Variants in LRP12 observed in about 807,000 individuals in gnomAD.
LRP12 encodes low-density lipoprotein receptor-related protein 12.
Under a neutral mutation model 66.0 loss-of-function variants are expected in LRP12, and 14 were observed. The observed-to-expected ratio is 0.21, with a 90% CI of 0.14 to 0.33. The LOEUF (loss-of-function observed/expected upper bound fraction) is 0.33, where lower values mean the gene tolerates loss of function less well. Ranked by LOEUF, LRP12 falls within the 10% of genes least tolerant of loss-of-function variation. The probability of loss-of-function intolerance (pLI) is 1.00; values close to 1 mark genes in which losing one functional copy is unlikely to be tolerated. For synonymous variants in LRP12, 357 were observed against 359.1 expected (o/e 0.99, Z 0.07); for missense variants, 889 against 1,053.4 (o/e 0.84, Z 2.16).
chr8:104,577,689 T>C (rs999709147), intron 1 of LRP12, among the ~76,000 whole-genome samples: 1 of 151,342 alleles, frequency 6.6e-6, no homozygotes, highest in African/African-American at 2.4e-5. Flanking sequence ...TGGGCACCTG[T>C]AGTCTCAGCT....
intron 1 of LRP12, among the ~76,000 whole-genome samples, chr8:104,542,817 T>C (rs545167997): frequency 1.3e-5 from 2 of 151,900 alleles, no homozygotes; most frequent in Non-Finnish European, 2.9e-5. Context: ...GAATAGAAAA[T>C]GTATTTACTG....
intron 1 of LRP12, among the ~76,000 whole-genome samples, chr8:104,544,863 C>G (rs1811532027): frequency 6.6e-6 from 1 of 152,154 alleles, no homozygotes; most frequent in South Asian, 2.1e-4. Context: ...CTCTGCTGCC[C>G]ATGAATCAGG....
intron 1 of LRP12, 120 bp downstream of exon 1, chr8:104,588,699 T>C (rs1217067105): frequency 6.7e-6 from 5 of 747,892 alleles, no homozygotes; most frequent in Non-Finnish European, 1.1e-5. Flanking sequence ...CCGGTCTTTG[T>C]CCCGCCGGTA....
In LRP12 at chr8:104,556,499, C is replaced by T. The variant is rs147775043; in HGVS notation, c.80-24536G>A. Among the ~76,000 whole-genome samples the T allele has an allele frequency of 6.0e-3, 910 of 152,144 alleles. 9 individuals are homozygous for T. The highest frequency in any genetic ancestry group is 0.012 in the Admixed American group (190 of 15,274). ...CAGAAATACAAAAGATCATTCAAGG[C>T]TACTACAAACACCTTTATGCACACA... On this transcript the variant is annotated intron_variant, in intron 1 of 6. Transcript: ENST00000276654.
chr8:104,550,747 T>C (rs1394138059), intron 1 of LRP12, among the ~76,000 whole-genome samples: 1 of 152,174 alleles, frequency 6.6e-6, no homozygotes, highest in African/African-American at 2.4e-5. Context: ...AAATATAAGC[T>C]TCAAAGGGGC....
chr8:104,494,870 T>C (rs1588481183), intron 6 of LRP12, among the ~76,000 whole-genome samples: 1 of 152,312 alleles, frequency 6.6e-6, no homozygotes, highest in Middle Eastern at 3.4e-3. Flanking sequence ...TGCTTAAGAA[T>C]TGCACAACCA....
chr8:104,581,778 C>T (rs570261217), intron 1 of LRP12, among the ~76,000 whole-genome samples: 1 of 152,232 alleles, frequency 6.6e-6, no homozygotes, highest in South Asian at 2.1e-4. Flanking sequence ...ACGAAGAGCA[C>T]AGCAGTAGAC....
At chr8:104,494,773 T>C (rs1810697844) in intron 6 of LRP12, among the ~76,000 whole-genome samples, 1 of 152,196 alleles carries the variant, frequency 6.6e-6, no homozygotes, top group African/African-American at 2.4e-5. Flanking sequence ...TTCTTAAATC[T>C]TGCAGATGTT....
Position 104,527,235 on chromosome 8 carries a change from G to T in LRP12, c.136+4672C>A, listed in dbSNP as rs1279129044. Among the ~76,000 whole-genome samples the T allele has an allele frequency of 3.5e-5, 5 of 142,864 alleles. No homozygotes were observed. The East Asian group carries it at 9.8e-4, about 28-fold the overall frequency. The allele number at this position is 142,864 out of a possible 152,430, so 93.7% of individuals were successfully genotyped here. On this transcript the variant is annotated intron_variant, in intron 2 of 6. Transcript: ENST00000276654. ...AGGAACACTTTTACACTGTTGGTGG[G>T]ACTGTAAACTAGTTCAACCATGGTG...
At chr8:104,588,698 G>GA in intron 1 of LRP12, 121 bp downstream of exon 1, 3 of 739,354 alleles carry the variant, frequency 4.1e-6, no homozygotes, top group Non-Finnish European at 6.6e-6. Context: ...ACCGGTCTTT[G>GA]TCCCGCCGGT....
At chr8:104,564,832 C>A (rs1811972104) in intron 1 of LRP12, among the ~76,000 whole-genome samples, 1 of 151,738 alleles carries the variant, frequency 6.6e-6, no homozygotes, top group African/African-American at 2.4e-5. Context: ...ACTAGGGAGG[C>A]TGAGGCAGAA....
At chr8:104,491,584 C>T in intron 6 of LRP12, 45 bp from the exon 7 acceptor site, 1 of 936,892 alleles carries the variant, frequency 1.1e-6, no homozygotes, top group Non-Finnish European at 1.4e-6. Context: ...CAACAAGGTA[C>T]TAAGATAAAA....
rs138704043 is a variant in LRP12 at position 104,564,290 on chromosome 8, G to A, written c.79+24529C>T. 6.7e-4 allele frequency among the ~76,000 whole-genome samples: 102 copies of A among 152,300 alleles called. No homozygotes were observed. The Middle Eastern group carries it at 0.01, about 15-fold the overall frequency. ...TAAATCACAAGGGATCTGTTAAAAT[G>A]AAGATTCCAATTTGGTATCTGGCAC... On this transcript the variant is annotated intron_variant, in intron 1 of 6. Transcript: ENST00000276654.
At chr8:104,581,898 G>A (rs145575224) in intron 1 of LRP12, among the ~76,000 whole-genome samples, 1 of 152,210 alleles carries the variant, frequency 6.6e-6, no homozygotes, top group African/African-American at 2.4e-5. Flanking sequence ...TTGTATAGGT[G>A]TTCTGTATTC....
chr8:104,504,852 C>A (rs1029447871), intron 3 of LRP12: 2 of 152,098 alleles, frequency 1.3e-5, no homozygotes, highest in African/African-American at 4.8e-5. Context: ...GTATTTTAGG[C>A]TATGTAATTA....
rs1366145940 is a variant in LRP12, at chr8:104,537,570, T to G, written c.80-5607A>C. 3.9e-5 allele frequency among the ~76,000 whole-genome samples: 6 copies of G among 152,070 alleles called. No individual in the cohort carries two copies. In the East Asian group the frequency reaches 1.2e-3, roughly 29 times the overall value. ...AGGAAGTCCACCCACACCTTAGGAGTAGAGCTAACTGCCAAGTAAAAGCTA... is the reference window on the plus strand; with the variant it reads ...AGGAAGTCCACCCACACCTTAGGAGGAGAGCTAACTGCCAAGTAAAAGCTA... On this transcript the variant is annotated intron_variant, in intron 1 of 6. Transcript: ENST00000276654.
At chr8:104,565,773 G>C (rs1811988800) in intron 1 of LRP12, among the ~76,000 whole-genome samples, 1 of 151,080 alleles carries the variant, frequency 6.6e-6, no homozygotes, top group Non-Finnish European at 1.5e-5. Flanking sequence ...AGGCAGGAGA[G>C]TGGCGTGAAC....
intron 1 of LRP12, among the ~76,000 whole-genome samples, chr8:104,565,265 A>G (rs1446320089): frequency 1.3e-5 from 2 of 152,186 alleles, no homozygotes; most frequent in African/African-American, 4.8e-5. Flanking sequence ...CGATATGCTC[A>G]GATAAAATGG....
Position 104,490,735 on chromosome 8 carries a change from T to C in LRP12, c.2518A>G (p.Thr840Ala). ...TTTTTCAGTGTTACTTCTAAGCAAG[T>C]GTCTGGTATCTGGGCAGTGTGGACA... Reference protein sequence around the residue: ...GIVHTAQIPDTCLEVTLKNET... With the variant: ...GIVHTAQIPDACLEVTLKNET... The change falls in exon 7 of 7, where the codon ACT becomes GCT. Residue 840 changes from threonine (T) to alanine (A), a missense_variant. Around this residue, in one of 3 missense-constraint regions of LRP12, gnomAD observed 800 missense variants for 964.5 expected, o/e 0.83. Coordinates refer to ENST00000276654, the MANE Select transcript of LRP12 (RefSeq NM_013437.5). 2 of 1,614,008 alleles carry C rather than the reference T, an allele frequency of 1.2e-6. No homozygotes were observed. Among genetic ancestry groups the C allele is most frequent in the Non-Finnish European group, 1.7e-6 (2 of 1,179,988 alleles).
Sources: allele counts gnomAD v4.1 joint callset (sites outside exome capture counted in the v4.1 genomes callset), GRCh38; gene constraint gnomAD v4.1.1; regional missense constraint gnomAD v4.1.1; transcripts MANE v1.5; gene names NCBI Gene and HGNC (gene_info 2026-07-23, HGNC 2026-07-21).